ATXN7L1: variants seen among roughly 807,000 people sequenced by gnomAD.
ATXN7L1 encodes ataxin 7 like 1, also known as ataxin-7-like protein 1.
In ATXN7L1, 15 loss-of-function variants were observed where a neutral mutation model predicts 70.8. That is an observed-to-expected ratio of 0.21 (90% CI 0.14 to 0.33). The LOEUF (loss-of-function observed/expected upper bound fraction) is 0.33. Ranked by LOEUF, ATXN7L1 falls within the 10% of genes least tolerant of loss-of-function variation. ATXN7L1 has a pLI of 1.00. For synonymous variants in ATXN7L1, 440 were observed against 445.1 expected, an observed-to-expected ratio of 0.99 and a Z score of 0.14; for missense variants, 975 against 1,097.1, an observed-to-expected ratio of 0.89 and a Z score of 1.57.
intron 3 of ATXN7L1, among the ~76,000 whole-genome samples, chr7:105,694,048 GC>G (rs1791388413): frequency 1.5e-5 from 2 of 137,838 alleles, no homozygotes; most frequent in South Asian, 4.5e-4. Flanking sequence ...GGAGAAGTGA[GC>G]CTTTTTTTTT....
intron 3 of ATXN7L1, among the ~76,000 whole-genome samples, chr7:105,702,573 T>TACAC (rs1312248897): frequency 6.6e-6 from 1 of 150,412 alleles, no homozygotes; most frequent in Non-Finnish European, 1.5e-5. Flanking sequence ...CAGACACACA[T>TACAC]ACACACACAC....
chr7:105,773,378 C>CA (rs1303654897), intron 3 of ATXN7L1, among the ~76,000 whole-genome samples: 1 of 152,218 alleles, frequency 6.6e-6, no homozygotes, highest in Non-Finnish European at 1.5e-5. Context: ...CCTGCACTGC[C>CA]ACACTATACC....
intron 4 of ATXN7L1, among the ~76,000 whole-genome samples, chr7:105,657,338 G>A (rs981042012): frequency 3.3e-5 from 5 of 152,082 alleles, no homozygotes; most frequent in African/African-American, 1.2e-4. Flanking sequence ...AAAAACCAGA[G>A]GGTCCCACCC....
intron 11 of ATXN7L1, among the ~76,000 whole-genome samples, chr7:105,609,581 C>T (rs1792975824): frequency 6.6e-6 from 1 of 152,102 alleles, no homozygotes; most frequent in South Asian, 2.1e-4. Flanking sequence ...TCTCCTGCCT[C>T]AGCTGCCTGA....
intron 4 of ATXN7L1, among the ~76,000 whole-genome samples, chr7:105,651,354 A>G (rs752125863): frequency 2.0e-5 from 3 of 152,232 alleles, no homozygotes; most frequent in Non-Finnish European, 4.4e-5. Flanking sequence ...CAGACTCTCA[A>G]TAAACTCTAA....
At chr7:105,644,173 G>T (rs188789143) in intron 4 of ATXN7L1, among the ~76,000 whole-genome samples, 1 of 152,248 alleles carries the variant, frequency 6.6e-6, no homozygotes, top group African/African-American at 2.4e-5. Flanking sequence ...GCTGTTTTTG[G>T]CAGGAAAAGA....
intron 2 of ATXN7L1, among the ~76,000 whole-genome samples, chr7:105,831,106 G>A (rs1041848334): frequency 2.6e-5 from 4 of 152,316 alleles, no homozygotes; most frequent in Middle Eastern, 3.4e-3. Flanking sequence ...CACCTTTACC[G>A]TAGATGGGGT....
intron 3 of ATXN7L1, among the ~76,000 whole-genome samples, chr7:105,713,750 C>A (rs951471099): frequency 1.2e-4 from 18 of 152,216 alleles, no homozygotes; most frequent in Admixed American, 1.2e-3. Context: ...CACACATGCA[C>A]CCTCAAGAAA....
intron 3 of ATXN7L1, among the ~76,000 whole-genome samples, chr7:105,754,515 G>A (rs1255339713): frequency 1.3e-5 from 2 of 151,954 alleles, no homozygotes; most frequent in Admixed American, 6.6e-5. Context: ...AGTGGTGAGC[G>A]TAGCTGCCTT....
chr7:105,735,281 G>A (rs73411100), intron 3 of ATXN7L1, among the ~76,000 whole-genome samples: 3,265 of 151,664 alleles, frequency 0.022, 95 homozygotes, highest in African/African-American at 0.076. Context: ...CACAAGAAGC[G>A]TATCTACACT....
intron 11 of ATXN7L1, among the ~76,000 whole-genome samples, chr7:105,609,817 G>C (rs1022174543): frequency 1.3e-5 from 2 of 151,826 alleles, no homozygotes; most frequent in Non-Finnish European, 2.9e-5. Context: ...TGTCACCCAG[G>C]CTGGAGTGCA....
At chr7:105,798,788 T>C (rs1368915057) in intron 2 of ATXN7L1, among the ~76,000 whole-genome samples, 2 of 152,234 alleles carry the variant, frequency 1.3e-5, no homozygotes, top group African/African-American at 2.4e-5. Flanking sequence ...ATGTCCGCCA[T>C]ATTGCTTCTT....
Position 105,605,478 on chromosome 7 carries a change from G to GT in ATXN7L1, c.*2373_*2374insA, listed in dbSNP as rs1199358544. The GT allele has an allele frequency of 1.7e-5, 1 of 59,576 alleles. No individual in the cohort carries two copies. Among genetic ancestry groups the GT allele is most frequent in the Non-Finnish European group, 3.7e-5 (1 of 26,974 alleles). The allele number at this position is 59,576 out of a possible 1,614,324, so 3.7% of individuals were successfully genotyped here. Reference sequence around the variant, plus strand: ...AGTAAGCAGCATTCGATGAGGGTGGGGGGGGGGGTGGGGGCTCTTTATTCC... The same window carrying GT: ...AGTAAGCAGCATTCGATGAGGGTGGGTGGGGGGGGTGGGGGCTCTTTATTCC... On this transcript the variant is annotated 3_prime_UTR_variant, in exon 12 of 12. Transcript: ENST00000419735.
At chr7:105,710,612 T>A (rs1413702472) in intron 3 of ATXN7L1, among the ~76,000 whole-genome samples, 1 of 151,974 alleles carries the variant, frequency 6.6e-6, no homozygotes, top group Non-Finnish European at 1.5e-5. Flanking sequence ...GTGGTTTCAC[T>A]GTGTTAGCCA....
chr7:105,704,439 T>A (rs975567431), intron 3 of ATXN7L1, among the ~76,000 whole-genome samples: 2 of 152,150 alleles, frequency 1.3e-5, no homozygotes, highest in Non-Finnish European at 2.9e-5. Context: ...CCTGATTAAG[T>A]TAGTACTTCA....
intron 3 of ATXN7L1, among the ~76,000 whole-genome samples, chr7:105,692,424 T>TCCCTCCCTCCCTCCTTCCTTCCTCCCTC (rs1554431696): frequency 4.5e-5 from 4 of 88,086 alleles, no homozygotes; most frequent in Non-Finnish European, 4.7e-5. Context: ...CTTCCTTCCT[T>TCCCTCCCTCCCTCCTTCCTTCCTCCCTC]CCTCCCTCCC....
chr7:105,737,058 T>C (rs922641374), intron 3 of ATXN7L1, among the ~76,000 whole-genome samples: 9 of 152,232 alleles, frequency 5.9e-5, no homozygotes, highest in Non-Finnish European at 1.2e-4. Context: ...TATAAGACCA[T>C]GAGGACTTTT....
At chr7:105,709,612 T>C (rs1563025429) in intron 3 of ATXN7L1, among the ~76,000 whole-genome samples, 1 of 152,144 alleles carries the variant, frequency 6.6e-6, no homozygotes, top group Non-Finnish European at 1.5e-5. Context: ...CCCTAGAGCC[T>C]GCTGAGATTA....
chr7:105,846,149 T>C (rs1814000809), intron 2 of ATXN7L1, among the ~76,000 whole-genome samples: 1 of 152,154 alleles, frequency 6.6e-6, no homozygotes, highest in African/African-American at 2.4e-5. Context: ...TTATATCTGA[T>C]AAGAAATATA....
Sources: allele counts gnomAD v4.1 joint callset (sites outside exome capture counted in the v4.1 genomes callset), GRCh38; gene constraint gnomAD v4.1.1; transcripts MANE v1.5; gene names NCBI Gene and HGNC (gene_info 2026-07-23, HGNC 2026-07-21).